ADCY8: variants seen among roughly 807,000 people sequenced by gnomAD.
ADCY8 encodes the protein adenylate cyclase 8.
ADCY8 carries 51 observed loss-of-function variants against 119.7 expected under a neutral mutation model. The observed-to-expected ratio is 0.43, with a 90% CI of 0.34 to 0.54. ADCY8 has a LOEUF of 0.54. Ranked by LOEUF, ADCY8 falls within the 20% of genes least tolerant of loss-of-function variation. ADCY8 has a pLI of 0.03. For missense variants in ADCY8, 1,383 were observed against 1,598.8 expected, an observed-to-expected ratio of 0.87 and a Z score of 2.30; for synonymous variants, 665 against 651.0, an observed-to-expected ratio of 1.02 and a Z score of -0.33.
rs117183259 is a variant in ADCY8, at chr8:130,890,006, G to T, written c.1912-5245C>A. Among the ~76,000 whole-genome samples, 1,113 of 152,148 alleles carry T rather than the reference G, an allele frequency of 7.3e-3. 13 individuals are homozygous for T. Among genetic ancestry groups the T allele is most frequent in the Middle Eastern group, 0.01 (3 of 294 alleles). On this transcript the variant is annotated intron_variant, in intron 7 of 17. Coordinates refer to ENST00000286355, the MANE Select transcript of ADCY8 (RefSeq NM_001115.3). ...TTAGGTGATTGTTTCTCTAGACTATGATCTCCTTGAGGCCAGGCACTGTGT... is the reference window on the plus strand; with the variant it reads ...TTAGGTGATTGTTTCTCTAGACTATTATCTCCTTGAGGCCAGGCACTGTGT...
At chr8:130,846,264 C>T (rs1276792516) in intron 11 of ADCY8, among the ~76,000 whole-genome samples, 3 of 151,980 alleles carry the variant, frequency 2.0e-5, no homozygotes, top group Non-Finnish European at 4.4e-5. Context: ...ACTTTATGAC[C>T]CAGAATGTCT....
chr8:130,927,475 T>C (rs1442628230), intron 5 of ADCY8, among the ~76,000 whole-genome samples: 1 of 152,212 alleles, frequency 6.6e-6, no homozygotes. Flanking sequence ...TGGAATTTCT[T>C]ATATATTTTG....
At chr8:130,783,230 C>T (rs953094285) in intron 17 of ADCY8, among the ~76,000 whole-genome samples, 23 of 152,154 alleles carry the variant, frequency 1.5e-4, no homozygotes, top group Admixed American at 1.1e-3. Flanking sequence ...CTGAGTAAAG[C>T]CTGTCCCTGG....
chr8:130,840,132 T>C (rs944955193), intron 11 of ADCY8, among the ~76,000 whole-genome samples: 1 of 139,374 alleles, frequency 7.2e-6, no homozygotes, highest in Non-Finnish European at 1.6e-5. Context: ...ACTTAAAGTA[T>C]GAGGAAAAGG....
chr8:131,039,319 A>T (rs1471384469), intron 1 of ADCY8, 55 bp downstream of exon 1: 1 of 1,587,248 alleles, frequency 6.3e-7, no homozygotes, highest in African/African-American at 1.3e-5. Context: ...AAGCTATATG[A>T]TCAATAACCC....
intron 7 of ADCY8, among the ~76,000 whole-genome samples, chr8:130,903,463 GGTT>G (rs1305364953): frequency 5.3e-5 from 4 of 75,912 alleles, no homozygotes; most frequent in African/African-American, 2.3e-4. Context: ...CAACATGAGT[GGTT>G]TTTTTTTTTT....
chr8:131,029,140 C>T (rs184397037), intron 1 of ADCY8, among the ~76,000 whole-genome samples: 5 of 152,012 alleles, frequency 3.3e-5, no homozygotes, highest in Admixed American at 3.3e-4. Context: ...AGTTCAAACC[C>T]TATTGTGAAC....
At chr8:130,916,315 A>G (rs1820127356) in intron 5 of ADCY8, among the ~76,000 whole-genome samples, 1 of 152,134 alleles carries the variant, frequency 6.6e-6, no homozygotes, top group African/African-American at 2.4e-5. Flanking sequence ...CTTCTTATAG[A>G]TCTGAGTTTG....
chr8:130,866,769 C>T (rs1387399682), intron 9 of ADCY8, among the ~76,000 whole-genome samples: 2 of 152,138 alleles, frequency 1.3e-5, no homozygotes, highest in Admixed American at 1.3e-4. Flanking sequence ...AGACATGTGA[C>T]CTGGGATAAA....
At position 130,992,394 on chromosome 8, in the gene ADCY8, T is replaced by TGAGC; in HGVS notation, c.961-1853_961-1852insGCTC. 2.5e-5 allele frequency among the ~76,000 whole-genome samples: 3 copies of TGAGC among 117,830 alleles called. 1 individual carries two copies. The East Asian group carries it at 6.3e-4, about 25-fold the overall frequency. The allele number at this position is 117,830 out of a possible 152,430, so 77.3% of individuals were successfully genotyped here. On this transcript the variant is annotated intron_variant, in intron 1 of 17. Transcript: ENST00000286355. ...CAACTGTATCTGGCATATATATATA[T>TGAGC]ATATATATATATATATATATATATA...
intron 9 of ADCY8, among the ~76,000 whole-genome samples, chr8:130,858,077 T>A (rs1817806485): frequency 1.3e-5 from 2 of 152,250 alleles, no homozygotes; most frequent in Admixed American, 6.5e-5. Context: ...ATCCTAATAG[T>A]GTTTGATGGC....
chr8:131,023,011 T>C (rs918449074), intron 1 of ADCY8, among the ~76,000 whole-genome samples: 1 of 152,148 alleles, frequency 6.6e-6, no homozygotes, highest in Non-Finnish European at 1.5e-5. Context: ...TTAACTTCAG[T>C]TCAAATCCTC....
chr8:130,929,844 G>A (rs1820581677), intron 5 of ADCY8, among the ~76,000 whole-genome samples: 1 of 152,172 alleles, frequency 6.6e-6, no homozygotes, highest in Non-Finnish European at 1.5e-5. Context: ...AATTTACAAT[G>A]TTATATCCAC....
intron 12 of ADCY8, among the ~76,000 whole-genome samples, chr8:130,829,780 A>T (rs1816773877): frequency 6.6e-6 from 1 of 152,254 alleles, no homozygotes; most frequent in African/African-American, 2.4e-5. Flanking sequence ...AAGTTACTCT[A>T]GCCACCCAAA....
At chr8:131,021,729 C>T (rs552414744) in intron 1 of ADCY8, among the ~76,000 whole-genome samples, 1 of 152,086 alleles carries the variant, frequency 6.6e-6, no homozygotes, top group Non-Finnish European at 1.5e-5. Flanking sequence ...CTTGCTGCTG[C>T]CATGTGAAGA....
intron 12 of ADCY8, among the ~76,000 whole-genome samples, chr8:130,830,484 T>C (rs1816798603): frequency 6.6e-6 from 1 of 152,214 alleles, no homozygotes; most frequent in Admixed American, 6.5e-5. Flanking sequence ...CTGATGCATC[T>C]GTCCCTGATC....
intron 9 of ADCY8, among the ~76,000 whole-genome samples, chr8:130,855,619 C>T (rs1817705621): frequency 6.6e-6 from 1 of 151,664 alleles, no homozygotes; most frequent in African/African-American, 2.4e-5. Context: ...CCCAGGCCCG[C>T]TGGGAAGTGT....
intron 7 of ADCY8, among the ~76,000 whole-genome samples, chr8:130,887,616 A>C (rs960872269): frequency 9.2e-5 from 14 of 152,114 alleles, no homozygotes; most frequent in Non-Finnish European, 1.8e-4. Context: ...ACTCCTTAGG[A>C]GTATATGTGC....
chr8:130,895,708 A>T (rs1012178785), intron 7 of ADCY8, among the ~76,000 whole-genome samples: 30 of 152,172 alleles, frequency 2.0e-4, no homozygotes, highest in African/African-American at 7.0e-4. Context: ...AAATTTCCAA[A>T]GATTTCCATG....
Sources: allele counts gnomAD v4.1 joint callset (sites outside exome capture counted in the v4.1 genomes callset), GRCh38; gene constraint gnomAD v4.1.1; transcripts MANE v1.5; gene names NCBI Gene and HGNC (gene_info 2026-07-23, HGNC 2026-07-21).